The following SETD7 variants were observed in gnomAD, a reference collection of about 807,000 sequenced individuals.
SETD7 encodes histone-lysine N-methyltransferase SETD7.
SETD7 carries 16 observed loss-of-function variants against 41.8 expected under a neutral mutation model. The observed-to-expected ratio is 0.38, with a 90% confidence interval of 0.26 to 0.58. The LOEUF is 0.58. Ranked by LOEUF, SETD7 falls within the 20% of genes least tolerant of loss-of-function variation. The probability of loss-of-function intolerance (pLI) is 0.64; values close to 1 mark genes in which losing one functional copy is unlikely to be tolerated. For synonymous variants in SETD7, 163 were observed against 169.7 expected, an observed-to-expected ratio of 0.96 and a Z score of 0.31; for missense variants, 346 against 459.7, an observed-to-expected ratio of 0.75 and a Z score of 2.26.
chr4:139,497,589 G>GT (rs558746212), intron 7 of SETD7, among the ~76,000 whole-genome samples: 7 of 149,878 alleles, frequency 4.7e-5, no homozygotes, highest in Admixed American at 2.7e-4. Context: ...TTGTTTTTTT[G>GT]TTTTTTTGTT....
rs201027677 is a variant in SETD7, at chr4:139,533,385, C to T, written c.171-19G>A. The T allele has an allele frequency of 1.3e-5, 21 of 1,598,762 alleles. No individual in the cohort carries two copies. In the South Asian group the frequency reaches 2.3e-4, roughly 18 times the overall value. On this transcript the variant is annotated intron_variant, in intron 2 of 7. Transcript: ENST00000274031. ...CAGGGTGCTGTGAGGAAAGGAAAAA[C>T]AAAAAGGAATAGTCAGACCATGACT...
At chr4:139,493,767 T>C (rs536755300), downstream of SETD7, among the ~76,000 whole-genome samples, 18 of 152,296 alleles carry the variant, frequency 1.2e-4, no homozygotes, top group Non-Finnish European at 1.9e-4. Context: ...CTCGAACTCC[T>C]GGGCTCAAGT....
At chr4:139,512,430 C>T (rs1726904975) in intron 7 of SETD7, among the ~76,000 whole-genome samples, 1 of 152,296 alleles carries the variant, frequency 6.6e-6, no homozygotes, top group African/African-American at 2.4e-5. Flanking sequence ...GAAGTCTAGA[C>T]CTCTCTGCCA....
At chr4:139,542,581 G>A (rs1435613269) in intron 2 of SETD7, among the ~76,000 whole-genome samples, 1 of 151,574 alleles carries the variant, frequency 6.6e-6, no homozygotes, top group African/African-American at 2.4e-5. Flanking sequence ...CCTTGAATAT[G>A]TTTAGTTAAG....
intron 4 of SETD7, among the ~76,000 whole-genome samples, chr4:139,527,457 C>T (rs1479508566): frequency 6.6e-6 from 1 of 152,086 alleles, no homozygotes; most frequent in African/African-American, 2.4e-5. Context: ...ACTGGGGAGG[C>T]TGAGGCAGGA....
chr4:139,552,552 G>A (rs1479698699), intron 1 of SETD7, among the ~76,000 whole-genome samples: 3 of 152,064 alleles, frequency 2.0e-5, no homozygotes, highest in African/African-American at 7.3e-5. Flanking sequence ...TTTCTAAAGA[G>A]CCCCCACGGC....
At chr4:139,501,979 C>A (rs943831115), downstream of SETD7, among the ~76,000 whole-genome samples, 3 of 152,318 alleles carry the variant, frequency 2.0e-5, no homozygotes, top group Middle Eastern at 3.4e-3. Context: ...GAGCTCAATC[C>A]ATGGGTCAAA....
chr4:139,541,955 A>C (rs1727789785), intron 2 of SETD7, among the ~76,000 whole-genome samples: 1 of 152,230 alleles, frequency 6.6e-6, no homozygotes, highest in Admixed American at 6.5e-5. Flanking sequence ...TTATTGCACT[A>C]TTCACAACAG....
rs190179374 is a variant in SETD7 at position 139,554,344 on chromosome 4, A to T, written c.40+1754T>A. Among the ~76,000 whole-genome samples, 11 of 152,372 alleles carry T rather than the reference A, an allele frequency of 7.2e-5. No individual in the cohort carries two copies. In the East Asian group the frequency reaches 2.1e-3, roughly 29 times the overall value. On this transcript the variant is annotated intron_variant, in intron 1 of 7. Coordinates refer to ENST00000274031, the MANE Select transcript of SETD7 (RefSeq NM_030648.4). ...GCAAAGGAGCCTGAGGACTATGGAC[A>T]ACTGGACATATGTTTGTAAACAGCT...
chr4:139,507,794 A>G lies in SETD7; in HGVS notation c.*3869T>C, dbSNP rs995614560. ...AAAAGAAAAACAATAATAATCTATCAAGGTACCCCAAGTAGATGTAAATTT... is the reference window on the plus strand; with the variant it reads ...AAAAGAAAAACAATAATAATCTATCGAGGTACCCCAAGTAGATGTAAATTT... On this transcript the variant is annotated 3_prime_UTR_variant, in exon 8 of 8. Coordinates refer to ENST00000274031, the MANE Select transcript of SETD7 (RefSeq NM_030648.4). 1.1e-4 allele frequency: 17 copies of G among 152,524 alleles called. No homozygotes were observed. Among genetic ancestry groups the G allele is most frequent in the African/African-American group, 4.1e-4 (17 of 41,452 alleles). The allele number at this position is 152,524 out of a possible 1,614,324, so 9.4% of individuals were successfully genotyped here.
Position 139,539,701 on chromosome 4 carries a change from G to C in SETD7, c.171-6335C>G, listed in dbSNP as rs1417739978. Among the ~76,000 whole-genome samples, 3 of 152,192 alleles carry C rather than the reference G, an allele frequency of 2.0e-5. No individual in the cohort carries two copies. The East Asian group carries it at 5.8e-4, about 29-fold the overall frequency. ...AATGTTTGTGTCTCCCCAAATTCCT[G>C]TGTTGAACTCCTAACACCCAATATG... On this transcript the variant is annotated intron_variant, in intron 2 of 7. Coordinates refer to ENST00000274031, the MANE Select transcript of SETD7 (RefSeq NM_030648.4).
intron 2 of SETD7, among the ~76,000 whole-genome samples, chr4:139,535,419 T>C (rs1560687359): frequency 6.6e-6 from 1 of 152,218 alleles, no homozygotes; most frequent in Non-Finnish European, 1.5e-5. Flanking sequence ...GCAACCCTAT[T>C]GACTTTGGAC....
At chr4:139,542,168 G>GT in intron 2 of SETD7, among the ~76,000 whole-genome samples, 1 of 152,294 alleles carries the variant, frequency 6.6e-6, no homozygotes, top group East Asian at 1.9e-4. Context: ...GATCTCATTT[G>GT]TATGTGGGGA....
At chr4:139,540,092 C>T (rs1727742661) in intron 2 of SETD7, among the ~76,000 whole-genome samples, 1 of 152,172 alleles carries the variant, frequency 6.6e-6, no homozygotes, top group South Asian at 2.1e-4. Flanking sequence ...TCCATCTTTT[C>T]CCCTAAGCAC....
At chr4:139,515,270 C>CA (rs1463313359) in intron 7 of SETD7, among the ~76,000 whole-genome samples, 1 of 151,380 alleles carries the variant, frequency 6.6e-6, no homozygotes, top group South Asian at 2.1e-4. Flanking sequence ...GGTTATTATT[C>CA]AAGTAGTCTT....
At chr4:139,536,811 TG>T (rs1727651710) in intron 2 of SETD7, among the ~76,000 whole-genome samples, 1 of 152,038 alleles carries the variant, frequency 6.6e-6, no homozygotes, top group African/African-American at 2.4e-5. Context: ...GAAACTAGCC[TG>T]GCCAACATGG....
At chr4:139,519,700 G>A (rs748199554) in intron 6 of SETD7, among the ~76,000 whole-genome samples, 9 of 152,232 alleles carry the variant, frequency 5.9e-5, no homozygotes, top group Non-Finnish European at 8.8e-5. Context: ...AGGAAGGAGC[G>A]CATAAGCTGT....
intron 7 of SETD7, among the ~76,000 whole-genome samples, chr4:139,497,462 AAAAAT>A (rs1726482762): frequency 6.6e-6 from 1 of 152,110 alleles, no homozygotes; most frequent in Non-Finnish European, 1.5e-5. Flanking sequence ...CCGTCTCAAA[AAAAAT>A]AAAATAAAAA....
At position 139,549,961 on chromosome 4, in the gene SETD7, G is replaced by A. The variant is rs144601714; in HGVS notation, c.41-2912C>T. 1.4e-3 allele frequency among the ~76,000 whole-genome samples: 214 copies of A among 152,088 alleles called. 1 individual carries two copies. Among genetic ancestry groups the A allele is most frequent in the African/African-American group, 4.9e-3 (203 of 41,462 alleles). ...CCCAGCTTATTTTTTTGTATTTTTA[G>A]TAGAGATGAGGTTTCACTATATTGG... On this transcript the variant is annotated intron_variant, in intron 1 of 7. Transcript: ENST00000274031.
Sources: allele counts gnomAD v4.1 joint callset (sites outside exome capture counted in the v4.1 genomes callset), GRCh38; gene constraint gnomAD v4.1.1; transcripts MANE v1.5; gene names NCBI Gene and HGNC (gene_info 2026-07-23, HGNC 2026-07-21).